Variants in R3HDM2 observed in about 807,000 individuals in gnomAD.
R3HDM2 encodes the protein R3H domain-containing protein 2.
Under a neutral mutation model 124.5 loss-of-function variants are expected in R3HDM2, and 38 were observed. The ratio of observed to expected loss-of-function variants is 0.31; its 90% CI spans 0.24 to 0.40. The LOEUF (loss-of-function observed/expected upper bound fraction) is 0.40, where lower values mean the gene tolerates loss of function less well. Ranked by LOEUF, R3HDM2 falls within the 10% of genes least tolerant of loss-of-function variation. The probability of loss-of-function intolerance (pLI) is 1.00; values close to 1 mark genes in which losing one functional copy is unlikely to be tolerated. For missense variants in R3HDM2, 869 were observed against 1,236.9 expected (o/e 0.70, Z 4.46); for synonymous variants, 391 against 448.0 (o/e 0.87, Z 1.61).
rs1454310661 is a variant in R3HDM2 at position 57,270,392 on chromosome 12, CTTATTTTGTT to C, written c.1345-408_1345-399del. ...CTCCTGCCACCAAACCCGGCTAATT[CTTATTTTGTT>C]TTGTTTTGTTTTGTTTTGTTTTGTT... is the stretch of plus-strand genomic sequence containing the variant. On this transcript the variant is annotated intron_variant, in intron 14 of 23. Transcript: ENST00000402412. 6.2e-3 allele frequency among the ~76,000 whole-genome samples: 924 copies of C among 148,716 alleles called. 9 individuals are homozygous for C. Among genetic ancestry groups the C allele is most frequent in the African/African-American group, 0.018 (705 of 40,140 alleles).
At chr12:57,415,646 A>T (rs1229498497) in intron 1 of R3HDM2, among the ~76,000 whole-genome samples, 1 of 152,078 alleles carries the variant, frequency 6.6e-6, no homozygotes, top group African/African-American at 2.4e-5. Context: ...CAATTTAACC[A>T]AGCAGACTTC....
chr12:57,316,751 AT>A (rs778925176), intron 2 of R3HDM2, among the ~76,000 whole-genome samples: 1,374 of 132,466 alleles, frequency 0.01, 5 homozygotes, highest in Middle Eastern at 0.019. Context: ...ACGCCCAGCT[AT>A]TTTTTTTTTT....
At chr12:57,267,406 T>C (rs1439715210) in intron 18 of R3HDM2, among the ~76,000 whole-genome samples, 6 of 152,030 alleles carry the variant, frequency 3.9e-5, no homozygotes, top group African/African-American at 1.2e-4. Context: ...AATACAAAAA[T>C]TAGCTGGGCA....
chr12:57,279,366 A>G (rs2045621688), intron 14 of R3HDM2, among the ~76,000 whole-genome samples: 1 of 151,076 alleles, frequency 6.6e-6, no homozygotes, highest in African/African-American at 2.4e-5. Flanking sequence ...TATTTTTAGT[A>G]GGGACCGGGT....
chr12:57,270,555 G>A (rs943984745), intron 14 of R3HDM2, among the ~76,000 whole-genome samples: 3 of 151,974 alleles, frequency 2.0e-5, no homozygotes, highest in African/African-American at 4.8e-5. Context: ...TCAGCCTCCC[G>A]AGTAGCTGGG....
In R3HDM2 at chr12:57,315,063, CAG is replaced by C. The variant is rs1158427409; in HGVS notation, c.-35-4602_-35-4601del. Among the ~76,000 whole-genome samples the C allele has an allele frequency of 2.0e-5, 3 of 150,996 alleles. No individual in the cohort carries two copies. The South Asian group carries it at 6.3e-4, about 32-fold the overall frequency. ...TTTTTTTTTTTTTCTCTTGTTGAGA[CAG>C]AGTCTCGCTCTGTCACTCAGGTTGG... On this transcript the variant is annotated intron_variant, in intron 2 of 23. Transcript: ENST00000402412.
At chr12:57,276,952 C>CAAGGGATA (rs1278639371) in intron 14 of R3HDM2, among the ~76,000 whole-genome samples, 1 of 151,376 alleles carries the variant, frequency 6.6e-6, no homozygotes, top group Non-Finnish European at 1.5e-5. Flanking sequence ...GGGAAGGGGG[C>CAAGGGATA]AAGGGATAAA....
chr12:57,359,196 C>T (rs950433086), intron 2 of R3HDM2, among the ~76,000 whole-genome samples: 3 of 152,172 alleles, frequency 2.0e-5, no homozygotes, highest in Admixed American at 6.5e-5. Context: ...GGATTACAGG[C>T]GTGAACCACC....
chr12:57,311,986 A>T (rs761308767), intron 2 of R3HDM2, among the ~76,000 whole-genome samples: 1 of 152,216 alleles, frequency 6.6e-6, no homozygotes, highest in Non-Finnish European at 1.5e-5. Flanking sequence ...GAAGTCAAAC[A>T]TGTTTAGCTA....
chr12:57,394,223 G>T (rs2067148393), intron 2 of R3HDM2, among the ~76,000 whole-genome samples: 1 of 152,008 alleles, frequency 6.6e-6, no homozygotes, highest in Non-Finnish European at 1.5e-5. Context: ...CTTGAATCTG[G>T]GAGGCAGAGG....
At chr12:57,385,221 A>G (rs1309251564) in intron 2 of R3HDM2, among the ~76,000 whole-genome samples, 2 of 151,290 alleles carry the variant, frequency 1.3e-5, no homozygotes, top group East Asian at 3.9e-4. Context: ...CTTAAGATAC[A>G]TTGAGGAGAT....
At chr12:57,306,483 A>G (rs1367189702) in intron 3 of R3HDM2, among the ~76,000 whole-genome samples, 1 of 150,914 alleles carries the variant, frequency 6.6e-6, no homozygotes, top group Non-Finnish European at 1.5e-5. Context: ...ATCTCGGCTC[A>G]CTGCAACCTC....
At chr12:57,266,681 A>G in intron 19 of R3HDM2, 50 bp downstream of exon 19, 1 of 1,426,288 alleles carries the variant, frequency 7.0e-7, no homozygotes, top group Non-Finnish European at 9.8e-7. Context: ...GCCCTTCAGC[A>G]ATGTTTGCTC....
chr12:57,396,006 A>T (rs1038769473), intron 1 of R3HDM2, among the ~76,000 whole-genome samples, 188 bp from the exon 2 acceptor site: 1 of 151,886 alleles, frequency 6.6e-6, no homozygotes, highest in Non-Finnish European at 1.5e-5. Context: ...GTCAATTTAC[A>T]ATTAAAAAAA....
chr12:57,304,650 A>G, intron 3 of R3HDM2: 1 of 345,816 alleles, frequency 2.9e-6, no homozygotes, highest in East Asian at 1.7e-4. Flanking sequence ...CATAGTCCAG[A>G]AATATGAAGC....
chr12:57,271,941 G>C (rs1161654891), intron 14 of R3HDM2, among the ~76,000 whole-genome samples: 1 of 151,554 alleles, frequency 6.6e-6, no homozygotes, highest in African/African-American at 2.4e-5. Context: ...GTCCAGGCTG[G>C]AGTGCAGTGG....
intron 2 of R3HDM2, among the ~76,000 whole-genome samples, chr12:57,358,005 G>A (rs1393564741): frequency 6.8e-6 from 1 of 147,976 alleles, no homozygotes; most frequent in Non-Finnish European, 1.5e-5. Flanking sequence ...TTTAGACAGA[G>A]TTTCTCTCTG....
intron 2 of R3HDM2, among the ~76,000 whole-genome samples, chr12:57,321,724 C>T (rs1348494659): frequency 6.6e-6 from 1 of 152,068 alleles, no homozygotes. Context: ...AGAAAGTAGA[C>T]TCTCCTCCCC....
intron 1 of R3HDM2, among the ~76,000 whole-genome samples, chr12:57,400,843 A>G (rs1484449080): frequency 1.3e-5 from 2 of 152,194 alleles, no homozygotes; most frequent in Non-Finnish European, 2.9e-5. Flanking sequence ...GATCAAAATC[A>G]CCTGGGGAAG....
Sources: gnomAD v4.1 joint callset for allele counts (sites outside exome capture counted in the v4.1 genomes callset) on GRCh38, gnomAD v4.1.1 for gene constraint, MANE v1.5 for transcripts, NCBI Gene and HGNC (gene_info 2026-07-23, HGNC 2026-07-21) for gene names.